GALNT15: variants seen among roughly 807,000 people sequenced by gnomAD.
GALNT15 encodes the protein UDP-GalNAc transferase T15.
GALNT15 carries 67 observed loss-of-function variants against 66.8 expected under a neutral mutation model. The observed-to-expected ratio is 1.00, with a 90% CI of 0.82 to 1.23. The LOEUF (loss-of-function observed/expected upper bound fraction) is 1.23, where lower values mean the gene tolerates loss of function less well. Ranked by LOEUF, GALNT15 falls within the 50% of genes most tolerant of loss-of-function variation. The pLI, the probability that GALNT15 is intolerant of heterozygous loss-of-function variation, is 0.00. For synonymous variants in GALNT15, 313 were observed against 311.5 expected (o/e 1.00, Z -0.05); for missense variants, 827 against 804.3 (o/e 1.03, Z -0.34).
rs764829211 is a variant in GALNT15 at position 16,211,206 on chromosome 3, C to T, written c.1162C>T (p.Leu388=). 6.2e-7 allele frequency: 1 copy of T among 1,613,860 alleles called. No homozygotes were observed. Among genetic ancestry groups the T allele is most frequent in the Non-Finnish European group, 8.5e-7 (1 of 1,179,742 alleles). The change falls in exon 5 of 10, where the codon CTG becomes TTG. Residue 388 remains leucine, a synonymous_variant. Coordinates refer to ENST00000339732, the MANE Select transcript of GALNT15 (RefSeq NM_054110.5). The surrounding 1 kb of genome is among the most constrained non-coding windows in gnomAD (Gnocchi z 4.3). ...TGGAGCGTATGACTCTCTTATGTCG[C>T]TGCGAGGTGGTGAAAACCTCGAACT... The part of the protein sequence containing the change: ...NTGAYDSLMS[L]RGGENLELSF...
rs201430444 is a variant in GALNT15 at position 16,225,835 on chromosome 3, G to A, written c.1774-1519G>A. Among the ~76,000 whole-genome samples, 1 of 152,032 alleles carries A rather than the reference G, an allele frequency of 6.6e-6. No homozygotes were observed. Among genetic ancestry groups the A allele is most frequent in the Non-Finnish European group, 1.5e-5 (1 of 68,006 alleles). Reference sequence around the variant, plus strand: ...GTGGATCACTTGAGGTCAGGAGTTCGAGACCAGCCTGGCCAATATGGGTTT... The same window carrying A: ...GTGGATCACTTGAGGTCAGGAGTTCAAGACCAGCCTGGCCAATATGGGTTT... On this transcript the variant is annotated intron_variant, in intron 9 of 9. Transcript: ENST00000339732. This position sits in a 1 kb window ranked among gnomAD's most constrained non-coding sequence, Gnocchi z 4.4.
chr3:16,230,200 G>C (rs368133335), downstream of GALNT15, among the ~76,000 whole-genome samples: 1 of 152,204 alleles, frequency 6.6e-6, no homozygotes, highest in East Asian at 1.9e-4. This position sits in a 1 kb window ranked among gnomAD's most constrained non-coding sequence, Gnocchi z 4.5. Flanking sequence ...ATACCACTGG[G>C]GAGAACAGAG....
chr3:16,188,911 A>G lies in GALNT15; in HGVS notation c.540-6849A>G, dbSNP rs971001743. 1.3e-5 allele frequency among the ~76,000 whole-genome samples: 2 copies of G among 152,142 alleles called. No individual in the cohort carries two copies. Among genetic ancestry groups the G allele is most frequent in the Middle Eastern group, 3.4e-3 (1 of 294 alleles). On this transcript the variant is annotated intron_variant, in intron 1 of 9. Transcript: ENST00000339732. This position sits in a 1 kb window ranked among gnomAD's most constrained non-coding sequence, Gnocchi z 4.6. ...CTCTCTCCAAGGTCCTCATGATGAC[A>G]TGAGGAGCCCAGGGTTCCCAAACAT...
At chr3:16,197,831 A>C (rs2063655875) in intron 2 of GALNT15, among the ~76,000 whole-genome samples, 2 of 152,214 alleles carry the variant, frequency 1.3e-5, no homozygotes, top group Admixed American at 1.3e-4. Flanking sequence ...TTTTCCGAGC[A>C]CTATACCACT....
intron 1 of GALNT15, among the ~76,000 whole-genome samples, chr3:16,185,681 T>C (rs996647008): frequency 6.6e-6 from 1 of 152,236 alleles, no homozygotes. Flanking sequence ...CTTCCATCAT[T>C]GTCCCTTTAT....
At chr3:16,245,301 C>T in the GALNT15 span, among the ~76,000 whole-genome samples, 1 of 152,226 alleles carries the variant, frequency 6.6e-6, no homozygotes, top group South Asian at 2.1e-4. Context: ...CACCTGCATC[C>T]AGTCCTTGTC....
Position 16,212,510 on chromosome 3 carries a change from A to G in GALNT15, c.1198-59A>G, listed in dbSNP as rs1038598362. 35 of 1,523,074 alleles carry G rather than the reference A, an allele frequency of 2.3e-5. No homozygotes were observed. In the Admixed American group the frequency reaches 4.6e-4, roughly 20 times the overall value. The allele number at this position is 1,523,074 out of a possible 1,614,324, so 94.3% of individuals were successfully genotyped here. On this transcript the variant is annotated intron_variant, in intron 5 of 9. Transcript: ENST00000339732. Reference sequence around the variant, plus strand: ...CAGCCCCTCATAGATAGGGCTCCCTATTTCCCGCCGTTCTTAAAGGTGGAA... The same window carrying G: ...CAGCCCCTCATAGATAGGGCTCCCTGTTTCCCGCCGTTCTTAAAGGTGGAA...
chr3:16,178,785 C>G (rs1043739825), intron 1 of GALNT15, among the ~76,000 whole-genome samples: 1 of 152,244 alleles, frequency 6.6e-6, no homozygotes, highest in African/African-American at 2.4e-5. Flanking sequence ...TATGCGGGCC[C>G]TGCACCGCTG....
At chr3:16,232,508 A>ATATATATATATATTTATT (rs1553689265), downstream of GALNT15, among the ~76,000 whole-genome samples, 1 of 78,630 alleles carries the variant, frequency 1.3e-5, no homozygotes, top group Non-Finnish European at 2.4e-5. Context: ...ATATATATAT[A>ATATATATATATATTTATT]TATTTATTTA....
At position 16,176,502 on chromosome 3, in the gene GALNT15, T is replaced by C. The variant is rs552119637; in HGVS notation, c.539+812T>C. ...GCCAGAATACTGTGCTGACTGCAAT[T>C]TACCCTGCCAGGGCAGCCCCAGCCC... On this transcript the variant is annotated intron_variant, in intron 1 of 9. Transcript: ENST00000339732. This position sits in a 1 kb window ranked among gnomAD's most constrained non-coding sequence, Gnocchi z 5.6. Among the ~76,000 whole-genome samples, 39 of 152,296 alleles carry C rather than the reference T, an allele frequency of 2.6e-4. No individual in the cohort carries two copies. The highest frequency in any genetic ancestry group is 2.4e-3 in the Admixed American group (37 of 15,300).
downstream of GALNT15, among the ~76,000 whole-genome samples, chr3:16,236,198 C>T (rs2064125191): frequency 7.2e-6 from 1 of 139,574 alleles, no homozygotes; most frequent in South Asian, 2.5e-4. Context: ...AGAATTAATA[C>T]AGATTGTTGC....
chr3:16,237,032 G>A, the GALNT15 span, among the ~76,000 whole-genome samples: 2 of 152,198 alleles, frequency 1.3e-5, no homozygotes, highest in African/African-American at 4.8e-5. This position sits in a 1 kb window ranked among gnomAD's most constrained non-coding sequence, Gnocchi z 4.2. Flanking sequence ...TTCACAAAGG[G>A]CAAAGCACAC....
chr3:16,197,892 A>G lies in GALNT15; in HGVS notation c.706+1966A>G, dbSNP rs949119452. ...CAAAACCCTCTGAGAATGCCAAACA[A>G]CCATCGCAGTCTGGAAGTTCTTCCT... On this transcript the variant is annotated intron_variant, in intron 2 of 9. Coordinates refer to ENST00000339732, the MANE Select transcript of GALNT15 (RefSeq NM_054110.5). Among the ~76,000 whole-genome samples, 4 of 144,780 alleles carry G rather than the reference A, an allele frequency of 2.8e-5. No individual in the cohort carries two copies. The Admixed American group carries it at 2.8e-4, about 10-fold the overall frequency. 95.0% of individuals were successfully genotyped at this position (144,780 alleles called of 152,430 possible).
chr3:16,215,916 A>AAACAAAAAAAAACAAAAAAAAAC (rs1019009823), intron 6 of GALNT15, among the ~76,000 whole-genome samples: 1 of 143,454 alleles, frequency 7.0e-6, no homozygotes, highest in South Asian at 2.5e-4. Context: ...CAAAAAAAAA[A>AAACAAAAAAAAACAAAAAAAAAC]AAAAAAAAAG....
At chr3:16,185,769 A>AGATAGATAGATAGAT (rs1429491311) in intron 1 of GALNT15, among the ~76,000 whole-genome samples, 2 of 151,988 alleles carry the variant, frequency 1.3e-5, no homozygotes, top group African/African-American at 4.8e-5. Flanking sequence ...ATAGATAGAT[A>AGATAGATAGATAGAT]GATAGATAGA....
At chr3:16,206,399 C>T (rs1041935460) in intron 3 of GALNT15, among the ~76,000 whole-genome samples, 5 of 149,618 alleles carry the variant, frequency 3.3e-5, no homozygotes, top group Admixed American at 6.6e-5. Context: ...AAAGGCCGGG[C>T]GCGATGGTTC....
rs761018635 is a variant in GALNT15 at position 16,212,698 on chromosome 3, A to G, written c.1327A>G (p.Thr443Ala). ...TLRNRVRIAE[T>A]WLGSFKETFY... Reference sequence around the variant, plus strand: ...GAGGAACAGGGTTCGCATTGCTGAGACCTGGCTGGGGTCATTCAAAGAAAC... The same window carrying G: ...GAGGAACAGGGTTCGCATTGCTGAGGCCTGGCTGGGGTCATTCAAAGAAAC... The change falls in exon 6 of 10, where the codon ACC (threonine) becomes GCC (alanine). Residue 443 changes from threonine to alanine, a missense_variant. By Grantham distance (58) the Thr-to-Ala change is moderately conservative. Coordinates refer to ENST00000339732, the MANE Select transcript of GALNT15 (RefSeq NM_054110.5). 5 of 1,613,966 alleles carry G rather than the reference A, an allele frequency of 3.1e-6. No individual in the cohort carries two copies. The South Asian group carries it at 5.5e-5, about 18-fold the overall frequency.
rs1559672032 is a variant in GALNT15 at position 16,175,393 on chromosome 3, T to C, written c.242T>C (p.Leu81Pro). Residue 81 changes from leucine (L) to proline (P), a missense_variant, in exon 1 of 10, where the codon CTG becomes CCG. Physicochemically the swap from Leu to Pro is moderately conservative, Grantham distance 98. Transcript: ENST00000339732. This position sits in a 1 kb window ranked among gnomAD's most constrained non-coding sequence, Gnocchi z 5.6. ...GATGAGGGTGAAGAGTACAGCCCTC[T>C]GGAGGGCCTGCCACCCTTTATCTCA... ...AEDEGEEYSPLEGLPPFISLR... is the reference protein window; with the variant it reads ...AEDEGEEYSPPEGLPPFISLR... The C allele has an allele frequency of 6.2e-7, 1 of 1,614,186 alleles. No homozygotes were observed. Among genetic ancestry groups the C allele is most frequent in the South Asian group, 1.1e-5 (1 of 91,082 alleles).
rs2064006636 is a variant in GALNT15 at position 16,225,844 on chromosome 3, C to A, written c.1774-1510C>A. On this transcript the variant is annotated intron_variant, in intron 9 of 9. Transcript: ENST00000339732. This position sits in a 1 kb window ranked among gnomAD's most constrained non-coding sequence, Gnocchi z 4.4. Reference sequence around the variant, plus strand: ...TTGAGGTCAGGAGTTCGAGACCAGCCTGGCCAATATGGGTTTTTAGTAGAG... The same window carrying A: ...TTGAGGTCAGGAGTTCGAGACCAGCATGGCCAATATGGGTTTTTAGTAGAG... Among the ~76,000 whole-genome samples, 1 of 151,918 alleles carries A rather than the reference C, an allele frequency of 6.6e-6. No individual in the cohort carries two copies. Among genetic ancestry groups the A allele is most frequent in the African/African-American group, 2.4e-5 (1 of 41,370 alleles).
Sources: gnomAD v4.1 joint callset for allele counts (sites outside exome capture counted in the v4.1 genomes callset) on GRCh38, gnomAD v4.1.1 for gene constraint, Gnocchi (gnomAD v3.1) non-coding constraint, MANE v1.5 for transcripts, NCBI Gene and HGNC (gene_info 2026-07-23, HGNC 2026-07-21) for gene names.